NFASC: variants seen among roughly 807,000 people sequenced by gnomAD.
NFASC encodes the protein neurofascin.
A neutral mutation model predicts 147.5 loss-of-function variants in NFASC; 43 were observed. The observed-to-expected ratio is 0.29, with a 90% confidence interval of 0.23 to 0.38. The LOEUF (loss-of-function observed/expected upper bound fraction) is 0.38, where lower values mean the gene tolerates loss of function less well. Ranked by LOEUF, NFASC falls within the 10% of genes least tolerant of loss-of-function variation. The pLI, the probability that NFASC is intolerant of heterozygous loss-of-function variation, is 1.00. For missense variants in NFASC, 1,320 were observed against 1,689.0 expected, an observed-to-expected ratio of 0.78 and a Z score of 3.83; for synonymous variants, 622 against 665.5, an observed-to-expected ratio of 0.93 and a Z score of 1.01.
At chr1:204,984,359 GTGTGTGTGTGTA>G (rs1202441830) in intron 21 of NFASC, 186 of 155,542 alleles carry the variant, frequency 1.2e-3, no homozygotes, top group Non-Finnish European at 1.9e-3. Context: ...ATATATATAT[GTGTGTGTGTGTA>G]TATATATACG....
chr1:204,949,808 G>A (rs1189756076), intron 3 of NFASC, among the ~76,000 whole-genome samples: 1 of 152,204 alleles, frequency 6.6e-6, no homozygotes, highest in Non-Finnish European at 1.5e-5. Flanking sequence ...CACCTGCACA[G>A]GAGCACACCT....
chr1:204,870,690 C>A, intron 1 of NFASC: 1 of 1,080,124 alleles, frequency 9.3e-7, no homozygotes. Context: ...AGCAAGCCGG[C>A]CGAGGGAGGG....
At chr1:204,840,546 T>A (rs11801418) in intron 1 of NFASC, among the ~76,000 whole-genome samples, 23,765 of 152,166 alleles carry the variant, frequency 0.16, 2,477 homozygotes, top group East Asian at 0.45. Context: ...TAGTAGTAGT[T>A]CTCTGATGTG....
chr1:204,875,657 C>T lies in NFASC; in HGVS notation c.-199-44975C>T, dbSNP rs143149867. Among the ~76,000 whole-genome samples the T allele has an allele frequency of 3.4e-3, 508 of 148,120 alleles. 4 individuals are homozygous for T. Among genetic ancestry groups the T allele is most frequent in the African/African-American group, 0.012 (483 of 41,122 alleles). On this transcript the variant is annotated intron_variant, in intron 1 of 29. Coordinates refer to ENST00000339876, the MANE Select transcript of NFASC (RefSeq NM_001005388.3). ...AGGCCCGGGTTCTCTTCTGAGTGCTCCCCTGCCCTTTCCCCCCACCACGCC... is the reference window on the plus strand; with the variant it reads ...AGGCCCGGGTTCTCTTCTGAGTGCTTCCCTGCCCTTTCCCCCCACCACGCC...
chr1:204,902,796 T>G (rs1389181589), intron 1 of NFASC, among the ~76,000 whole-genome samples: 1 of 152,152 alleles, frequency 6.6e-6, no homozygotes, highest in Admixed American at 6.5e-5. Flanking sequence ...AAAGTTGGAA[T>G]TGCCATCTGG....
At chr1:204,994,315 G>A (rs978541718) in intron 24 of NFASC, among the ~76,000 whole-genome samples, 6 of 152,328 alleles carry the variant, frequency 3.9e-5, no homozygotes, top group Admixed American at 3.3e-4. Context: ...ACAATGCAGT[G>A]TAGAAACATC....
chr1:205,002,876 C>A, intron 27 of NFASC, 128 bp downstream of exon 27: 1 of 673,132 alleles, frequency 1.5e-6, no homozygotes, highest in Non-Finnish European at 2.2e-6. Flanking sequence ...CCTTGCATGG[C>A]GTGTCTCAGC....
intron 19 of NFASC, 54 bp from the exon 20 acceptor site, chr1:204,980,316 C>G: frequency 6.9e-7 from 1 of 1,451,296 alleles, no homozygotes; most frequent in South Asian, 1.2e-5. Context: ...GGTTCCTTAC[C>G]TTGCCCTGGA....
intron 2 of NFASC, among the ~76,000 whole-genome samples, chr1:204,928,865 T>C (rs1417679240): frequency 6.6e-6 from 1 of 152,128 alleles, no homozygotes; most frequent in Non-Finnish European, 1.5e-5. Flanking sequence ...GGCTTATGAA[T>C]AACATGGCGC....
At chr1:204,866,472 G>A (rs755162385) in intron 1 of NFASC, among the ~76,000 whole-genome samples, 5 of 152,174 alleles carry the variant, frequency 3.3e-5, no homozygotes, top group Admixed American at 6.5e-5. Flanking sequence ...TGTCTCATTT[G>A]ACCTTGAAAA....
rs181437642 is a variant in NFASC, at chr1:204,835,525, G to A, written c.-200+6743G>A. On this transcript the variant is annotated intron_variant, in intron 1 of 29. Transcript: ENST00000339876. ...ATTACAGGCGTGAGCCACTGCGCCC[G>A]GCTGGTGGGTCTTGAGATATCAAGA... Among the ~76,000 whole-genome samples the A allele has an allele frequency of 5.6e-4, 85 of 152,172 alleles. 1 individual carries two copies. The highest frequency in any genetic ancestry group is 2.2e-4 in the Non-Finnish European group (15 of 67,996).
At chr1:204,851,326 C>CTTTTTTTTT (rs59834352) in intron 1 of NFASC, among the ~76,000 whole-genome samples, 2 of 136,338 alleles carry the variant, frequency 1.5e-5, no homozygotes, top group Non-Finnish European at 3.2e-5. Context: ...TCATGCTTTT[C>CTTTTTTTTT]TTTTTTTTTT....
intron 28 of NFASC, among the ~76,000 whole-genome samples, chr1:205,012,027 C>T (rs955537665): frequency 6.6e-6 from 1 of 152,132 alleles, no homozygotes; most frequent in Non-Finnish European, 1.5e-5. Context: ...TGCAGTGAGC[C>T]AAGATAGCAC....
At chr1:204,955,144 G>A (rs1573682596) in intron 7 of NFASC, among the ~76,000 whole-genome samples, 193 bp downstream of exon 7, 1 of 152,190 alleles carries the variant, frequency 6.6e-6, no homozygotes, top group South Asian at 2.1e-4. Context: ...CCTGGCTGCT[G>A]TGTGATCTTG....
At chr1:204,959,510 A>G (rs1159189469) in intron 8 of NFASC, among the ~76,000 whole-genome samples, 1 of 152,252 alleles carries the variant, frequency 6.6e-6, no homozygotes, top group Admixed American at 6.5e-5. Context: ...GAGTGGCCTC[A>G]GCAGCCAGGA....
intron 24 of NFASC, among the ~76,000 whole-genome samples, chr1:204,996,602 G>A (rs904014225): frequency 4.6e-5 from 7 of 152,198 alleles, no homozygotes; most frequent in African/African-American, 1.7e-4. Context: ...GCTCACCCGC[G>A]CAGAGTGGAG....
intron 22 of NFASC, among the ~76,000 whole-genome samples, 181 bp from the exon 23 acceptor site, chr1:204,988,452 G>A (rs1351032286): frequency 6.6e-6 from 1 of 152,228 alleles, no homozygotes; most frequent in Non-Finnish European, 1.5e-5. Flanking sequence ...TAATCAAAGA[G>A]CCCGGAGGGA....
At chr1:204,872,506 C>T (rs1273596116) in intron 1 of NFASC, among the ~76,000 whole-genome samples, 5 of 152,204 alleles carry the variant, frequency 3.3e-5, no homozygotes, top group African/African-American at 7.2e-5. Flanking sequence ...GGCTGGGGAG[C>T]GCAGGCTTGT....
At chr1:204,903,111 A>G (rs796394573) in intron 1 of NFASC, among the ~76,000 whole-genome samples, 1 of 152,206 alleles carries the variant, frequency 6.6e-6, no homozygotes, top group African/African-American at 2.4e-5. Context: ...TGACTAGATG[A>G]TTGCCAAGTC....
Sources: allele counts gnomAD v4.1 joint callset (sites outside exome capture counted in the v4.1 genomes callset), GRCh38; gene constraint gnomAD v4.1.1; transcripts MANE v1.5; gene names NCBI Gene and HGNC (gene_info 2026-07-23, HGNC 2026-07-21).